The following KAT7 variants were observed in gnomAD, a reference collection of about 807,000 sequenced individuals.
KAT7 encodes the protein histone acetyltransferase KAT7.
A neutral mutation model predicts 82.1 loss-of-function variants in KAT7; 10 were observed. The ratio of observed to expected loss-of-function variants is 0.12; its 90% CI spans 0.08 to 0.21. The LOEUF (loss-of-function observed/expected upper bound fraction) is 0.21. KAT7 is among the 10% of genes least tolerant of loss of function. The pLI is 1.00. For missense variants in KAT7, 378 were observed against 760.9 expected, an observed-to-expected ratio of 0.50 and a Z score of 5.92; for synonymous variants, 250 against 262.5, an observed-to-expected ratio of 0.95 and a Z score of 0.46.
intron 4 of KAT7, 33 bp downstream of exon 4, chr17:49,798,591 T>C (rs1271147000): frequency 6.4e-7 from 1 of 1,563,640 alleles, no homozygotes; most frequent in African/African-American, 1.4e-5. Flanking sequence ...ACATCCTTTG[T>C]TCTGTGGTTC....
chr17:49,800,011 T>C (rs1373992437), intron 4 of KAT7, among the ~76,000 whole-genome samples: 3 of 24,078 alleles, frequency 1.2e-4, no homozygotes, highest in East Asian at 7.4e-4. Context: ...TTTCCTGGCC[T>C]TTTTTTTTTT....
Position 49,824,381 on chromosome 17 carries a change from C to T in KAT7, c.1480+1086C>T, listed in dbSNP as rs149763028. 447 of 152,256 alleles carry T rather than the reference C, an allele frequency of 2.9e-3. 4 individuals carry two copies. Among genetic ancestry groups the T allele is most frequent in the African/African-American group, 0.01 (420 of 41,466 alleles). The allele number at this position is 152,256 out of a possible 1,614,324, so 9.4% of individuals were successfully genotyped here. ...TTCTTTCTTTCTTTCTTTTTTGAGA[C>T]GGAATTTTGCTCTTGTTGCCCAGGC... On this transcript the variant is annotated intron_variant, in intron 12 of 14. Coordinates refer to ENST00000259021, the MANE Select transcript of KAT7 (RefSeq NM_007067.5).
rs761442815 is a variant in KAT7 at position 49,832,612 on chromosome 17, C to T, written c.*5110C>T. On this transcript the variant is annotated 3_prime_UTR_variant, in exon 15 of 15. Transcript: ENST00000259021. ...AGTGAGACAGCAGGAATCCTTTTAC[C>T]ATACAACCCTCAACTAGTTTAGTGT... The T allele has an allele frequency of 1.3e-5, 2 of 152,156 alleles. No homozygotes were observed. Among genetic ancestry groups the T allele is most frequent in the Non-Finnish European group, 2.9e-5 (2 of 68,032 alleles). 9.4% of individuals were successfully genotyped at this position (152,156 alleles called of 1,614,324 possible).
At position 49,832,253 on chromosome 17, in the gene KAT7, G is replaced by T. The variant is rs1351547287; in HGVS notation, c.*4751G>T. 1 of 152,282 alleles carries T rather than the reference G, an allele frequency of 6.6e-6. No individual in the cohort carries two copies. 9.4% of individuals were successfully genotyped at this position (152,282 alleles called of 1,614,324 possible). Reference sequence around the variant, plus strand: ...TTACAGGCAGGAGCCACTGCGCCCAGCCAAGTAACTTTTAACAGTGTGGTA... The same window carrying T: ...TTACAGGCAGGAGCCACTGCGCCCATCCAAGTAACTTTTAACAGTGTGGTA... On this transcript the variant is annotated 3_prime_UTR_variant, in exon 15 of 15. Coordinates refer to ENST00000259021, the MANE Select transcript of KAT7 (RefSeq NM_007067.5).
intron 12 of KAT7, chr17:49,824,756 T>C (rs1476699579): frequency 6.6e-6 from 1 of 152,228 alleles, no homozygotes; most frequent in Non-Finnish European, 1.5e-5. Context: ...ACTGTTCTTA[T>C]AAACTTGATT....
Position 49,788,780 on chromosome 17 carries a change from T to A in KAT7, c.-55T>A. ...CCACGGAGCCCGCCGGAGCCACCGT[T>A]CCTGCTGCTGCCGCCGCTGCCCGAA... On this transcript the variant is annotated 5_prime_UTR_variant, in exon 1 of 15. Transcript: ENST00000259021. 1 of 1,554,924 alleles carries A rather than the reference T, an allele frequency of 6.4e-7. No individual in the cohort carries two copies. Among genetic ancestry groups the A allele is most frequent in the Non-Finnish European group, 8.7e-7 (1 of 1,149,728 alleles).
At chr17:49,793,861 G>A (rs922038334) in intron 2 of KAT7, among the ~76,000 whole-genome samples, 3 of 152,124 alleles carry the variant, frequency 2.0e-5, no homozygotes, top group Non-Finnish European at 4.4e-5. Context: ...ATGAGCCACC[G>A]CGCCCTGCTG....
chr17:49,821,468 A>G (rs1218079436), intron 10 of KAT7, 42 bp downstream of exon 10: 7 of 1,568,640 alleles, frequency 4.5e-6, no homozygotes, highest in African/African-American at 4.1e-5. Flanking sequence ...AATGTTGTAT[A>G]TTCACAGGTT....
At chr17:49,813,218 CTTT>C (rs1376808171) in intron 7 of KAT7, among the ~76,000 whole-genome samples, 1 of 152,000 alleles carries the variant, frequency 6.6e-6, no homozygotes, top group Non-Finnish European at 1.5e-5. Flanking sequence ...TTGTTCCCTT[CTTT>C]GTGTCCCTCT....
Position 49,818,025 on chromosome 17 carries a change from G to C in KAT7, c.1155+14G>C. 1 of 1,609,252 alleles carries C rather than the reference G, an allele frequency of 6.2e-7. No individual in the cohort carries two copies. Among genetic ancestry groups the C allele is most frequent in the Non-Finnish European group, 8.5e-7 (1 of 1,175,900 alleles). On this transcript the variant is annotated intron_variant, in intron 9 of 14. Coordinates refer to ENST00000259021, the MANE Select transcript of KAT7 (RefSeq NM_007067.5). ...CGCCGGCACATGGTGAGTTGTCTTG[G>C]GTTCCTCTGCCTTGACCATGATGGC... is the stretch of plus-strand genomic sequence containing the variant.
At chr17:49,803,116 T>G (rs191841681) in intron 4 of KAT7, among the ~76,000 whole-genome samples, 77 of 152,180 alleles carry the variant, frequency 5.1e-4, no homozygotes, top group African/African-American at 1.7e-3. Context: ...AATTGCATTT[T>G]TTTTTTTTCT....
chr17:49,807,330 G>A (rs1193585322), intron 5 of KAT7, among the ~76,000 whole-genome samples: 1 of 152,212 alleles, frequency 6.6e-6, no homozygotes, highest in Non-Finnish European at 1.5e-5. Context: ...ACATTCCTGA[G>A]GAGATGGCAT....
chr17:49,801,785 G>A (rs956462199), intron 4 of KAT7, among the ~76,000 whole-genome samples: 7 of 151,596 alleles, frequency 4.6e-5, no homozygotes, highest in Non-Finnish European at 7.4e-5. Flanking sequence ...CCACTGCACC[G>A]GGCCCCAAAA....
chr17:49,822,089 A>G (rs2074311201), intron 11 of KAT7, among the ~76,000 whole-genome samples: 2 of 152,170 alleles, frequency 1.3e-5, no homozygotes, highest in Non-Finnish European at 2.9e-5. Flanking sequence ...TAGTCAAACC[A>G]GTTCTGCTGG....
chr17:49,791,843 A>G (rs748325177), intron 1 of KAT7, 43 bp from the exon 2 acceptor site: 15 of 1,593,718 alleles, frequency 9.4e-6, no homozygotes, highest in Non-Finnish European at 1.3e-5. Flanking sequence ...AAACTCTCAG[A>G]CCAAATGCTT....
At chr17:49,794,539 G>C (rs1368012727) in intron 2 of KAT7, among the ~76,000 whole-genome samples, 1 of 152,182 alleles carries the variant, frequency 6.6e-6, no homozygotes, top group Non-Finnish European at 1.5e-5. Flanking sequence ...GCCCGCCTCG[G>C]CCTCCCAAAG....
At chr17:49,800,172 C>T (rs763851987) in intron 4 of KAT7, among the ~76,000 whole-genome samples, 1 of 151,860 alleles carries the variant, frequency 6.6e-6, no homozygotes, top group Non-Finnish European at 1.5e-5. Flanking sequence ...CCACCATGCC[C>T]GGCTAATTTT....
intron 4 of KAT7, among the ~76,000 whole-genome samples, chr17:49,804,319 C>G (rs532520084): frequency 6.6e-6 from 1 of 150,784 alleles, no homozygotes; most frequent in Admixed American, 6.6e-5. Flanking sequence ...GCGGAACTTG[C>G]AGTGAGCCGA....
intron 2 of KAT7, among the ~76,000 whole-genome samples, chr17:49,793,055 C>T (rs950559182): frequency 6.6e-6 from 1 of 152,168 alleles, no homozygotes; most frequent in African/African-American, 2.4e-5. Context: ...TCAAGCAGTC[C>T]TTCCACCTTG....
Sources: allele counts gnomAD v4.1 joint callset (sites outside exome capture counted in the v4.1 genomes callset), GRCh38; gene constraint gnomAD v4.1.1; transcripts MANE v1.5; gene names NCBI Gene and HGNC (gene_info 2026-07-23, HGNC 2026-07-21).